The following DOP1B variants were observed in gnomAD, a reference collection of about 807,000 sequenced individuals.
DOP1B encodes the protein protein DOP1B.
DOP1B carries 174 observed loss-of-function variants against 233.5 expected under a neutral mutation model. The ratio of observed to expected loss-of-function variants is 0.75; its 90% CI spans 0.66 to 0.85. The LOEUF (loss-of-function observed/expected upper bound fraction) is 0.85. Ranked by LOEUF, DOP1B falls within the 40% of genes least tolerant of loss-of-function variation. DOP1B has a pLI of 0.00. For missense variants in DOP1B, 2,652 were observed against 2,846.6 expected (o/e 0.93, Z 1.56); for synonymous variants, 1,190 against 1,185.6 (o/e 1.00, Z -0.08).
chr21:36,228,541 C>T (rs940189871), intron 13 of DOP1B, among the ~76,000 whole-genome samples: 1 of 151,858 alleles, frequency 6.6e-6, no homozygotes, highest in East Asian at 1.9e-4. Context: ...CCGAGGCGGG[C>T]AGATCATGAG....
At chr21:36,222,410 C>T (rs1323678190) in intron 10 of DOP1B, among the ~76,000 whole-genome samples, 2 of 151,430 alleles carry the variant, frequency 1.3e-5, no homozygotes, top group Non-Finnish European at 2.9e-5. Context: ...GGTGAAACCC[C>T]GTCTCTACTA....
At position 36,245,737 on chromosome 21, in the gene DOP1B, A is replaced by G. The variant is rs1214673903; in HGVS notation, c.3757A>G (p.Thr1253Ala). Residue 1253 changes from threonine (T) to alanine (A), a missense_variant, in exon 19 of 37, where the codon ACC becomes GCC. Coordinates refer to ENST00000691173, the MANE Select transcript of DOP1B (RefSeq NM_001320714.2). This position sits in a 1 kb window ranked among gnomAD's most constrained non-coding sequence, Gnocchi z 5.5. ...AFSVLEAVLK[T>A]NPKEFIEAVS... is the part of the protein sequence containing the mutation. ...CTCGGTGCTGGAGGCTGTGCTCAAA[A>G]CCAACCCTAAGGAATTCATCGAGGC... is the stretch of plus-strand genomic sequence containing the variant. 6.2e-7 allele frequency: 1 copy of G among 1,613,660 alleles called. No homozygotes were observed. Among genetic ancestry groups the G allele is most frequent in the Non-Finnish European group, 8.5e-7 (1 of 1,179,950 alleles).
chr21:36,239,751 G>C lies in DOP1B; in HGVS notation c.2877-14G>C. ...TGGCTGCGAGTGAACTCACTGGTGT[G>C]TTTCCCACTGCAGGTCCTTGTTTGT... is the stretch of plus-strand genomic sequence containing the variant. On this transcript the variant is annotated splice_polypyrimidine_tract_variant and intron_variant, in intron 17 of 36. Coordinates refer to ENST00000691173, the MANE Select transcript of DOP1B (RefSeq NM_001320714.2). 6.6e-7 allele frequency: 1 copy of C among 1,522,278 alleles called. No individual in the cohort carries two copies. Among genetic ancestry groups the C allele is most frequent in the South Asian group, 1.2e-5 (1 of 80,250 alleles). 94.3% of individuals were successfully genotyped at this position (1,522,278 alleles called of 1,614,324 possible).
At position 36,245,711 on chromosome 21, in the gene DOP1B, T is replaced by C. The variant is rs1459378815; in HGVS notation, c.3731T>C (p.Phe1244Ser). The change falls in exon 19 of 37, where the codon TTC becomes TCC. Residue 1244 changes from phenylalanine (F) to serine (S), a missense_variant. By Grantham distance (155) the Phe-to-Ser change is radical. Transcript: ENST00000691173. This position sits in a 1 kb window ranked among gnomAD's most constrained non-coding sequence, Gnocchi z 5.5. ...GACTCTCGGCGGGTCCTCTATGCCT[T>C]CTCGGTGCTGGAGGCTGTGCTCAAA... ...PYDSRRVLYA[F>S]SVLEAVLKTN... The C allele has an allele frequency of 6.2e-7, 1 of 1,613,696 alleles. No homozygotes were observed. The highest frequency in any genetic ancestry group is 1.7e-5 in the Admixed American group (1 of 60,002).
At chr21:36,249,865 G>A (rs1464747881) in intron 21 of DOP1B, among the ~76,000 whole-genome samples, 2 of 152,154 alleles carry the variant, frequency 1.3e-5, no homozygotes. Flanking sequence ...CATTCTGTCG[G>A]TTCCTAGGGT....
intron 2 of DOP1B, among the ~76,000 whole-genome samples, chr21:36,190,429 G>A (rs1054150349): frequency 4.0e-5 from 6 of 150,324 alleles, no homozygotes; most frequent in African/African-American, 4.9e-5. Context: ...ATGGAGTCTC[G>A]CTCTCTCACT....
At chr21:36,226,096 C>G (rs532234590) in intron 12 of DOP1B, among the ~76,000 whole-genome samples, 1 of 152,232 alleles carries the variant, frequency 6.6e-6, no homozygotes, top group East Asian at 1.9e-4. Flanking sequence ...AGAGGAGTAA[C>G]ATCCTTGATT....
At chr21:36,188,109 G>A (rs2066186375) in intron 2 of DOP1B, among the ~76,000 whole-genome samples, 1 of 152,188 alleles carries the variant, frequency 6.6e-6, no homozygotes, top group South Asian at 2.1e-4. Context: ...TTGGAAGCTG[G>A]GATTTGGGTA....
At chr21:36,229,118 T>C (rs1260553587) in intron 13 of DOP1B, among the ~76,000 whole-genome samples, 1 of 152,216 alleles carries the variant, frequency 6.6e-6, no homozygotes, top group African/African-American at 2.4e-5. Flanking sequence ...TGCACTGTTT[T>C]ATGTGTGTGT....
intron 14 of DOP1B, among the ~76,000 whole-genome samples, chr21:36,232,420 G>C (rs2066778380): frequency 6.6e-6 from 1 of 152,170 alleles, no homozygotes; most frequent in Non-Finnish European, 1.5e-5. Context: ...GACCCTGGAT[G>C]GAATACTTTT....
chr21:36,208,587 G>A (rs1329146362), intron 4 of DOP1B, 128 bp from the exon 5 acceptor site: 7 of 962,584 alleles, frequency 7.3e-6, no homozygotes, highest in Admixed American at 3.0e-5. Flanking sequence ...TCCCGGCGAT[G>A]AGGAAGGTGG....
rs759995111 is a variant in DOP1B at position 36,208,838 on chromosome 21, C to G, written c.615C>G (p.Gly205=). The G allele has an allele frequency of 6.3e-7, 1 of 1,597,660 alleles. No homozygotes were observed. Among genetic ancestry groups the G allele is most frequent in the East Asian group, 2.3e-5 (1 of 44,142 alleles). Residue 205 remains glycine, a synonymous_variant, in exon 5 of 37, where the codon GGC becomes GGG. Transcript: ENST00000691173. Reference sequence around the variant, plus strand: ...TCCCTGCCTCAGTCTTCGTGGTGGGCCACATCAACAGGGATGCCCCCGGCC... The same window carrying G: ...TCCCTGCCTCAGTCTTCGTGGTGGGGCACATCAACAGGGATGCCCCCGGCC... The part of the protein sequence containing the change: ...IRLPASVFVV[G]HINRDAPGRE...
At chr21:36,207,499 GTTTTTTTT>G (rs1164791099) in intron 4 of DOP1B, among the ~76,000 whole-genome samples, 2,498 of 89,620 alleles carry the variant, frequency 0.028, 43 homozygotes, top group Non-Finnish European at 0.039. Flanking sequence ...AGTTTTTTTT[GTTTTTTTT>G]TTTTTTTTTT....
intron 32 of DOP1B, among the ~76,000 whole-genome samples, chr21:36,286,668 AC>A: frequency 6.6e-6 from 1 of 150,552 alleles, no homozygotes; most frequent in East Asian, 1.9e-4. Context: ...ACACACACAC[AC>A]ACACAAAACT....
Position 36,200,491 on chromosome 21 carries a change from A to T in DOP1B, c.481A>T (p.Ile161Phe). ...LLPGLEEGSE[I>F]SDRTDALLLR... ...GCCCGGCCTTGAAGAGGGCTCCGAG[A>T]TCTCCGACAGGTGCGTGGGCGTCTT... Residue 161 changes from isoleucine to phenylalanine, a missense_variant, in exon 4 of 37, where the codon ATC becomes TTC. This residue lies in a region of DOP1B where 2,617 missense variants were observed against 2,794.3 expected (regional missense o/e 0.94). Transcript: ENST00000691173. 1 of 1,607,442 alleles carries T rather than the reference A, an allele frequency of 6.2e-7. No homozygotes were observed. Among genetic ancestry groups the T allele is most frequent in the Non-Finnish European group, 8.5e-7 (1 of 1,178,066 alleles).
intron 16 of DOP1B, among the ~76,000 whole-genome samples, chr21:36,238,116 G>A (rs746420827): frequency 6.6e-6 from 1 of 152,186 alleles, no homozygotes; most frequent in Non-Finnish European, 1.5e-5. Context: ...GCGGTGAGCC[G>A]AGATCGCGCC....
intron 2 of DOP1B, among the ~76,000 whole-genome samples, chr21:36,166,434 C>G (rs1031331016): frequency 2.7e-5 from 4 of 149,594 alleles, no homozygotes; most frequent in Non-Finnish European, 5.9e-5. Context: ...AAGACTCCGT[C>G]TCAAAAAAAA....
intron 14 of DOP1B, 94 bp from the exon 15 acceptor site, chr21:36,232,710 T>C (rs1340088299): frequency 1.9e-6 from 3 of 1,541,188 alleles, no homozygotes; most frequent in Non-Finnish European, 2.6e-6. Flanking sequence ...CTCAGGTAAC[T>C]TCCCAGATCT....
intron 32 of DOP1B, among the ~76,000 whole-genome samples, chr21:36,283,222 A>G (rs2067438759): frequency 6.6e-6 from 1 of 151,888 alleles, no homozygotes; most frequent in Non-Finnish European, 1.5e-5. Context: ...CTGGGATTAC[A>G]GGCACCCACC....
Sources: gnomAD v4.1 joint callset for allele counts (sites outside exome capture counted in the v4.1 genomes callset) on GRCh38, gnomAD v4.1.1 for gene constraint, gnomAD v4.1.1 regional missense constraint, Gnocchi (gnomAD v3.1) non-coding constraint, MANE v1.5 for transcripts, NCBI Gene and HGNC (gene_info 2026-07-23, HGNC 2026-07-21) for gene names.